Variants in UBE2Q2 observed in about 807,000 individuals in gnomAD.
The protein encoded by UBE2Q2 is ubiquitin-conjugating enzyme E2 Q2.
UBE2Q2 carries 54 observed loss-of-function variants against 59.9 expected under a neutral mutation model. The observed-to-expected ratio is 0.90, with a 90% CI of 0.72 to 1.13. The LOEUF (loss-of-function observed/expected upper bound fraction) is 1.13. Ranked by LOEUF, UBE2Q2 falls within the 50% of genes most tolerant of loss-of-function variation. UBE2Q2 has a pLI of 0.00. For missense variants in UBE2Q2, 433 were observed against 441.9 expected (o/e 0.98, Z 0.18); for synonymous variants, 165 against 155.2 (o/e 1.06, Z -0.47).
At position 75,880,905 on chromosome 15, in the gene UBE2Q2, T is replaced by C. The variant is rs1403949302; in HGVS notation, c.825+1717T>C. 5.3e-5 allele frequency among the ~76,000 whole-genome samples: 8 copies of C among 152,348 alleles called. No individual in the cohort carries two copies. In the East Asian group the frequency reaches 1.5e-3, roughly 29 times the overall value. On this transcript the variant is annotated intron_variant, in intron 8 of 12. Transcript: ENST00000267938. ...AGGTAGTAATTTTCTAAAAGCTTCT[T>C]ACGTAGCTTTTTTATGTGTGTGTTT...
chr15:75,844,599 A>G (rs1435736663), intron 1 of UBE2Q2: 18 of 1,185,114 alleles, frequency 1.5e-5, no homozygotes, highest in Non-Finnish European at 2.1e-5. Flanking sequence ...CGTATGTCAC[A>G]AAGCCGAAAA....
intron 7 of UBE2Q2, 108 bp from the exon 8 acceptor site, chr15:75,878,990 G>T (rs1898239825): frequency 1.5e-6 from 1 of 673,740 alleles, no homozygotes; most frequent in Non-Finnish European, 2.4e-6. Context: ...TCTGGAACTT[G>T]CCCTAGGTGC....
At chr15:75,886,415 C>G (rs1315004282) in intron 9 of UBE2Q2, among the ~76,000 whole-genome samples, 2 of 151,994 alleles carry the variant, frequency 1.3e-5, no homozygotes, top group Non-Finnish European at 2.9e-5. Flanking sequence ...CACTGCCTGG[C>G]CAACTATTGT....
intron 9 of UBE2Q2, among the ~76,000 whole-genome samples, chr15:75,885,725 A>G (rs1324028775): frequency 6.6e-6 from 1 of 152,224 alleles, no homozygotes. Flanking sequence ...AGGTGGTTAC[A>G]AAGTTGATCA....
intron 3 of UBE2Q2, among the ~76,000 whole-genome samples, chr15:75,861,690 G>A (rs1261477214): frequency 6.6e-6 from 1 of 151,786 alleles, no homozygotes; most frequent in African/African-American, 2.4e-5. Context: ...TCAACTTTTG[G>A]AAATGTTATT....
intron 4 of UBE2Q2, 122 bp from the exon 5 acceptor site, chr15:75,873,306 G>A (rs985500856): frequency 1.1e-5 from 10 of 905,992 alleles, no homozygotes; most frequent in African/African-American, 1.0e-4. Flanking sequence ...TCTCCCTATA[G>A]GATAGTTACA....
intron 9 of UBE2Q2, among the ~76,000 whole-genome samples, chr15:75,888,366 T>C (rs1329781802): frequency 6.6e-6 from 1 of 152,214 alleles, no homozygotes; most frequent in Non-Finnish European, 1.5e-5. Context: ...TTTTTGTGAC[T>C]GGTGTTTTTT....
intron 7 of UBE2Q2, among the ~76,000 whole-genome samples, chr15:75,878,775 A>G (rs1326214518): frequency 1.3e-5 from 2 of 152,226 alleles, no homozygotes; most frequent in Middle Eastern, 3.4e-3. Flanking sequence ...TAAGTTTAAT[A>G]TGCTTTCCTA....
intron 9 of UBE2Q2, among the ~76,000 whole-genome samples, chr15:75,886,350 C>G (rs545790106): frequency 6.6e-5 from 10 of 151,994 alleles, no homozygotes; most frequent in Admixed American, 4.6e-4. Flanking sequence ...AAACTCCTGG[C>G]CTGAAGTGAT....
chr15:75,875,554 C>T (rs760294814), intron 5 of UBE2Q2, among the ~76,000 whole-genome samples: 30 of 152,088 alleles, frequency 2.0e-4, no homozygotes, highest in Non-Finnish European at 2.9e-4. Context: ...AATAATGTGT[C>T]ACCTTGAGTG....
At chr15:75,886,418 A>G (rs1456716071) in intron 9 of UBE2Q2, among the ~76,000 whole-genome samples, 2 of 152,062 alleles carry the variant, frequency 1.3e-5, no homozygotes, top group East Asian at 3.9e-4. Flanking sequence ...TGCCTGGCCA[A>G]CTATTGTGCT....
At chr15:75,847,614 G>A (rs1003942609) in intron 1 of UBE2Q2, among the ~76,000 whole-genome samples, 6 of 152,070 alleles carry the variant, frequency 3.9e-5, no homozygotes, top group African/African-American at 7.2e-5. Flanking sequence ...CCTGATTGCC[G>A]TCTAATTAGT....
chr15:75,849,474 A>T (rs1595851802), intron 1 of UBE2Q2, among the ~76,000 whole-genome samples: 1 of 152,196 alleles, frequency 6.6e-6, no homozygotes, highest in South Asian at 2.1e-4. Context: ...GAGCCACACA[A>T]TGGTCTCAGT....
intron 1 of UBE2Q2, among the ~76,000 whole-genome samples, chr15:75,852,810 A>C (rs1054805138): frequency 6.6e-6 from 1 of 152,230 alleles, no homozygotes; most frequent in African/African-American, 2.4e-5. Context: ...GCACAGTAAG[A>C]GTTAGAGGAA....
chr15:75,857,672 C>G (rs528720147), intron 2 of UBE2Q2, among the ~76,000 whole-genome samples: 82 of 151,894 alleles, frequency 5.4e-4, no homozygotes, highest in African/African-American at 1.9e-3. Flanking sequence ...TTGAAACATT[C>G]CTGCATTCTT....
At chr15:75,862,627 G>A (rs968313652) in intron 3 of UBE2Q2, among the ~76,000 whole-genome samples, 21 of 150,984 alleles carry the variant, frequency 1.4e-4, no homozygotes, top group Admixed American at 6.6e-5. Flanking sequence ...ACCAGCCTGG[G>A]CAACATATTG....
chr15:75,872,324 GAA>G (rs35840590), intron 4 of UBE2Q2, among the ~76,000 whole-genome samples: 2 of 145,456 alleles, frequency 1.4e-5, no homozygotes, highest in African/African-American at 5.1e-5. Context: ...CCTGCTTGGG[GAA>G]AAAAAAAAAG....
intron 9 of UBE2Q2, among the ~76,000 whole-genome samples, chr15:75,889,395 A>G (rs566879831): frequency 6.6e-6 from 1 of 152,286 alleles, no homozygotes; most frequent in Admixed American, 6.5e-5. Context: ...TTGTCACTGT[A>G]ACAATTATTA....
At chr15:75,844,415 ACC>A (rs1896209336) in intron 1 of UBE2Q2, 7 of 1,550,616 alleles carry the variant, frequency 4.5e-6, no homozygotes, top group Non-Finnish European at 6.1e-6. Flanking sequence ...TGTTTGAGCG[ACC>A]CCTCTCCCCC....
Sources: gnomAD v4.1 joint callset for allele counts (sites outside exome capture counted in the v4.1 genomes callset) on GRCh38, gnomAD v4.1.1 for gene constraint, MANE v1.5 for transcripts, NCBI Gene and HGNC (gene_info 2026-07-23, HGNC 2026-07-21) for gene names.